TENM2: variants seen among roughly 807,000 people sequenced by gnomAD.
TENM2 encodes teneurin transmembrane protein 2, also known as teneurin-2.
In TENM2, 52 loss-of-function variants were observed where a neutral mutation model predicts 245.2. The observed-to-expected ratio is 0.21, with a 90% CI of 0.17 to 0.27. The LOEUF (loss-of-function observed/expected upper bound fraction) is 0.27. Among genes scored for constraint, TENM2 ranks in the 10% least tolerant of loss-of-function variants. The probability of loss-of-function intolerance (pLI) is 1.00; values close to 1 mark genes in which losing one functional copy is unlikely to be tolerated. For synonymous variants in TENM2, 1,363 were observed against 1,438.9 expected (o/e 0.95, Z 1.19); for missense variants, 3,046 against 3,666.8 (o/e 0.83, Z 4.37).
intron 2 of TENM2, among the ~76,000 whole-genome samples, chr5:167,770,659 C>T (rs1056240816): frequency 2.0e-5 from 3 of 152,126 alleles, no homozygotes; most frequent in Non-Finnish European, 4.4e-5. Flanking sequence ...AGTTTTGACT[C>T]ACAGCATTAT....
chr5:168,020,902 AG>A (rs749216950), intron 5 of TENM2, among the ~76,000 whole-genome samples: 5 of 152,356 alleles, frequency 3.3e-5, no homozygotes, highest in Admixed American at 6.5e-5. Context: ...CTGTGCTGGA[AG>A]AAAAAAGTGA....
In TENM2 at chr5:167,935,907, TC is replaced by T. The variant is rs1412221393; in HGVS notation, c.713-16677del. Reference sequence around the variant, plus strand: ...ACAGGTATGATTTTTTTTTTCGATTTCCCCAGCTCATGTTCTGTATCTCTAC... The same window carrying T: ...ACAGGTATGATTTTTTTTTTCGATTTCCCAGCTCATGTTCTGTATCTCTAC... On this transcript the variant is annotated intron_variant, in intron 3 of 28. Transcript: ENST00000518659. 6.6e-5 allele frequency among the ~76,000 whole-genome samples: 10 copies of T among 152,280 alleles called. No homozygotes were observed. The East Asian group carries it at 1.9e-3, about 29-fold the overall frequency.
chr5:167,616,891 T>A (rs1582554894), intron 2 of TENM2, among the ~76,000 whole-genome samples: 1 of 152,276 alleles, frequency 6.6e-6, no homozygotes, highest in East Asian at 1.9e-4. Context: ...CTCTTACATC[T>A]GACTTAGATT....
At chr5:167,195,971 T>A in the TENM2 span, among the ~76,000 whole-genome samples, 1 of 152,048 alleles carries the variant, frequency 6.6e-6, no homozygotes, top group African/African-American at 2.4e-5. Flanking sequence ...TCATTACCCA[T>A]CTTCAATGGT....
At chr5:167,982,607 G>A (rs2151972591) in intron 4 of TENM2, among the ~76,000 whole-genome samples, 1 of 152,270 alleles carries the variant, frequency 6.6e-6, no homozygotes, top group East Asian at 1.9e-4. Context: ...CTGAGGACCA[G>A]GGAGAATACC....
intron 3 of TENM2, among the ~76,000 whole-genome samples, chr5:167,915,045 T>C (rs1199533748): frequency 1.3e-5 from 2 of 152,150 alleles, no homozygotes; most frequent in Non-Finnish European, 2.9e-5. Flanking sequence ...ACTCATAATA[T>C]CATGCGAGTT....
At chr5:167,212,996 G>A in the TENM2 span, among the ~76,000 whole-genome samples, 20,294 of 152,092 alleles carry the variant, frequency 0.13, 1,516 homozygotes, top group South Asian at 0.2. Context: ...CGCAAAATTT[G>A]AAACAATATG....
chr5:167,075,061 A>G, the TENM2 span, among the ~76,000 whole-genome samples: 2,462 of 152,250 alleles, frequency 0.016, 65 homozygotes, highest in African/African-American at 0.054. Flanking sequence ...TGGTTAGGAA[A>G]TCCATTATAA....
chr5:167,134,602 G>A, the TENM2 span, among the ~76,000 whole-genome samples: 4 of 152,208 alleles, frequency 2.6e-5, no homozygotes, highest in African/African-American at 9.6e-5. Context: ...ATTAGACGCT[G>A]AGCCTGGTTT....
At chr5:167,809,781 T>G (rs562211366) in intron 2 of TENM2, among the ~76,000 whole-genome samples, 2 of 152,092 alleles carry the variant, frequency 1.3e-5, no homozygotes, top group Non-Finnish European at 2.9e-5. Flanking sequence ...AATCAGCCCA[T>G]TGAAATGCGA....
intron 2 of TENM2, among the ~76,000 whole-genome samples, chr5:167,837,864 C>T (rs1769147804): frequency 6.6e-6 from 1 of 151,964 alleles, no homozygotes; most frequent in African/African-American, 2.4e-5. Flanking sequence ...CATCTTAGTG[C>T]ATCTACTTAG....
chr5:167,036,275 C>A, the TENM2 span, among the ~76,000 whole-genome samples: 1 of 151,844 alleles, frequency 6.6e-6, no homozygotes, highest in African/African-American at 2.4e-5. Context: ...TTTTAAGGAT[C>A]AGAAAAAAAG....
At chr5:167,093,620 C>T in the TENM2 span, among the ~76,000 whole-genome samples, 12 of 152,296 alleles carry the variant, frequency 7.9e-5, no homozygotes, top group East Asian at 2.1e-3. Flanking sequence ...TCTCTGTCCA[C>T]CTTTCTGTCA....
intron 9 of TENM2, among the ~76,000 whole-genome samples, chr5:168,105,053 T>A (rs769805725): frequency 1.8e-4 from 27 of 152,296 alleles, no homozygotes; most frequent in Non-Finnish European, 4.0e-4. Context: ...GATACGGACT[T>A]TGAATGCCAT....
At chr5:167,588,278 T>C (rs559778434) in intron 2 of TENM2, among the ~76,000 whole-genome samples, 1 of 152,364 alleles carries the variant, frequency 6.6e-6, no homozygotes, top group South Asian at 2.1e-4. Flanking sequence ...TTATGGCTAA[T>C]AGGCTAAGCC....
At chr5:167,260,860 C>T in the TENM2 span, among the ~76,000 whole-genome samples, 14 of 152,108 alleles carry the variant, frequency 9.2e-5, no homozygotes, top group African/African-American at 3.1e-4. Context: ...TGGCCTCCAA[C>T]GATAAAGACA....
At chr5:168,253,488 C>G (rs1346700266) in intron 27 of TENM2, among the ~76,000 whole-genome samples, 2 of 145,112 alleles carry the variant, frequency 1.4e-5, no homozygotes, top group Non-Finnish European at 3.0e-5. Flanking sequence ...TGCAGTGGTA[C>G]GATCTTGGCT....
At chr5:168,078,232 A>C (rs1364026624) in intron 7 of TENM2, among the ~76,000 whole-genome samples, 1 of 152,108 alleles carries the variant, frequency 6.6e-6, no homozygotes, top group Non-Finnish European at 1.5e-5. Context: ...TCTTCTTTTG[A>C]GAAGTGTCTG....
the TENM2 span, among the ~76,000 whole-genome samples, chr5:167,135,075 A>G: frequency 6.6e-6 from 1 of 152,058 alleles, no homozygotes; most frequent in South Asian, 2.1e-4. Context: ...GTGCTGGGGG[A>G]ATTTAGCTAA....
Sources: gnomAD v4.1 joint callset for allele counts (sites outside exome capture counted in the v4.1 genomes callset) on GRCh38, gnomAD v4.1.1 for gene constraint, MANE v1.5 for transcripts, NCBI Gene and HGNC (gene_info 2026-07-23, HGNC 2026-07-21) for gene names.